SIRT3: variants seen among roughly 807,000 people sequenced by gnomAD.
The protein encoded by SIRT3 is sirtuin 3.
A neutral mutation model predicts 33.5 loss-of-function variants in SIRT3; 26 were observed. The ratio of observed to expected loss-of-function variants is 0.78; its 90% confidence interval spans 0.57 to 1.08. SIRT3 has a LOEUF of 1.08. SIRT3 is among the 50% of genes least tolerant of loss of function. SIRT3 has a pLI of 0.00. For synonymous variants in SIRT3, 237 were observed against 222.1 expected, an observed-to-expected ratio of 1.07 and a Z score of -0.60; for missense variants, 585 against 530.1, an observed-to-expected ratio of 1.10 and a Z score of -1.02.
Position 233,215 on chromosome 11 carries a change from T to C in SIRT3, c.474A>G (p.Arg158=), listed in dbSNP as rs1359419115. The part of the protein sequence containing the change: ...ISTPSGIPDF[R]SPGSGLYSNL... ...TGCTGTACAGGCCACTCCCCGGCGATCTGCAGGGAGAGAAGAAAGGCTCTG... is the reference window on the plus strand; with the variant it reads ...TGCTGTACAGGCCACTCCCCGGCGACCTGCAGGGAGAGAAGAAAGGCTCTG... The change falls in exon 3 of 7, where the codon AGA becomes AGG. Residue 158 remains arginine (R), a splice_region_variant and synonymous_variant. Coordinates refer to ENST00000382743, the MANE Select transcript of SIRT3 (RefSeq NM_012239.6). The C allele has an allele frequency of 3.7e-6, 6 of 1,612,462 alleles. No individual in the cohort carries two copies. The highest frequency in any genetic ancestry group is 1.7e-4 in the Middle Eastern group (1 of 6,056).
At chr11:228,075 T>C (rs1465591354) in intron 4 of SIRT3, among the ~76,000 whole-genome samples, 1 of 152,206 alleles carries the variant, frequency 6.6e-6, no homozygotes, top group African/African-American at 2.4e-5. Flanking sequence ...AACAGACTCT[T>C]ACATCCAGAC....
upstream of SIRT3, chr11:236,395 T>TCCCACCCCCGCCC: frequency 6.2e-6 from 1 of 162,106 alleles, no homozygotes. Context: ...CGCCTCCGCC[T>TCCCACCCCCGCCC]CCCACCCCCG....
In SIRT3 at chr11:216,360, G is replaced by A. The variant is rs200122315; in HGVS notation, c.*338C>T. 8 of 272,870 alleles carry A rather than the reference G, an allele frequency of 2.9e-5. No individual in the cohort carries two copies. In the East Asian group the frequency reaches 5.2e-4, roughly 18 times the overall value. The allele number at this position is 272,870 out of a possible 1,614,324, so 16.9% of individuals were successfully genotyped here. On this transcript the variant is annotated 3_prime_UTR_variant, in exon 7 of 7. Coordinates refer to ENST00000382743, the MANE Select transcript of SIRT3 (RefSeq NM_012239.6). ...TCAACTAGGCACAGAAAGCAGACTCGGTCTGGGATTCCAGTTGGTCTGATT... is the reference window on the plus strand; with the variant it reads ...TCAACTAGGCACAGAAAGCAGACTCAGTCTGGGATTCCAGTTGGTCTGATT...
At chr11:236,431 G>C, upstream of SIRT3, 1 of 702,262 alleles carries the variant, frequency 1.4e-6, no homozygotes, top group Non-Finnish European at 1.7e-6. Context: ...CCCCGCCTCC[G>C]CCTACCGCCC....
chr11:232,646 T>C (rs1858227672), intron 3 of SIRT3, among the ~76,000 whole-genome samples: 1 of 151,996 alleles, frequency 6.6e-6, no homozygotes, highest in South Asian at 2.1e-4. Context: ...AATTCCATAA[T>C]ACACTTCTTA....
chr11:233,949 A>G lies in SIRT3; in HGVS notation c.282-415T>C, dbSNP rs141611368. The G allele has an allele frequency of 3.7e-3, 620 of 168,002 alleles. 1 individual carries two copies. Among genetic ancestry groups the G allele is most frequent in the Admixed American group, 6.1e-3 (103 of 16,758 alleles). 10.4% of individuals were successfully genotyped at this position (168,002 alleles called of 1,614,324 possible). A position where few individuals can be genotyped will look rare whatever the true frequency, so the allele number is the denominator to read the frequency against. Reference sequence around the variant, plus strand: ...CCCCACTTCACACAGCATTTCAGACATCTATTCACTTAAGGTCGTTCCCCA... The same window carrying G: ...CCCCACTTCACACAGCATTTCAGACGTCTATTCACTTAAGGTCGTTCCCCA... On this transcript the variant is annotated intron_variant, in intron 1 of 6. Transcript: ENST00000382743.
At chr11:235,827 C>G (rs1003107445) in intron 1 of SIRT3, among the ~76,000 whole-genome samples, 7 of 152,142 alleles carry the variant, frequency 4.6e-5, no homozygotes, top group African/African-American at 9.7e-5. Context: ...GCATGATGCA[C>G]AATAACTAAA....
At chr11:229,587 C>T (rs889990217) in intron 4 of SIRT3, among the ~76,000 whole-genome samples, 1 of 152,054 alleles carries the variant, frequency 6.6e-6, no homozygotes, top group African/African-American at 2.4e-5. Context: ...GAAACCCCAT[C>T]TCTACTAGAA....
intron 4 of SIRT3, among the ~76,000 whole-genome samples, chr11:228,824 CA>C (rs1442316562): frequency 1.3e-5 from 2 of 152,130 alleles, no homozygotes; most frequent in African/African-American, 4.8e-5. Context: ...AAAATATTTG[CA>C]AATCATGTCT....
In SIRT3 at chr11:224,378, G is replaced by A. The variant is rs1001786346; in HGVS notation, c.808-139C>T. On this transcript the variant is annotated intron_variant, in intron 4 of 6. Coordinates refer to ENST00000382743, the MANE Select transcript of SIRT3 (RefSeq NM_012239.6). ...GGGATCATGAACCCCCATGTACCCA[G>A]CTTCAGGAATTACCAGTTTTCATAG... The A allele has an allele frequency of 5.6e-6, 5 of 892,744 alleles. No individual in the cohort carries two copies. In the African/African-American group the frequency reaches 8.5e-5, roughly 15 times the overall value. 55.3% of individuals were successfully genotyped at this position (892,744 alleles called of 1,614,324 possible).
upstream of SIRT3, chr11:236,916 G>GC: frequency 2.7e-6 from 2 of 737,374 alleles, no homozygotes; most frequent in Non-Finnish European, 4.7e-6. Flanking sequence ...AGCGGGGCCC[G>GC]CCCCCGGCCT....
intron 2 of SIRT3, 40 bp downstream of exon 2, chr11:233,303 G>T (rs1734493): frequency 6.2e-7 from 1 of 1,603,728 alleles, no homozygotes; most frequent in East Asian, 2.2e-5. Flanking sequence ...AGGAGTCAGG[G>T]GAGGGGAGCG....
chr11:228,044 C>T (rs1179013321), intron 4 of SIRT3, among the ~76,000 whole-genome samples: 2 of 152,208 alleles, frequency 1.3e-5, no homozygotes, highest in African/African-American at 4.8e-5. Flanking sequence ...GCCTCCCACA[C>T]TCCAGGTCTC....
chr11:216,795 C>G, intron 6 of SIRT3, 77 bp from the exon 7 acceptor site: 1 of 1,477,146 alleles, frequency 6.8e-7, no homozygotes, highest in Non-Finnish European at 9.5e-7. Flanking sequence ...GTTCAAACAG[C>G]TCTAGCTGCA....
Position 224,088 on chromosome 11 carries a change from G to A in SIRT3, c.959C>T (p.Thr320Ile), listed in dbSNP as rs551570. ...PMADLLLILGTSLEVEPFASL... is the reference protein window; with the variant it reads ...PMADLLLILGISLEVEPFASL... ...GGCCTGCTGACAAACCTCCAGGGAGGTCCCAAGGATGAGCAGCAGATCTGC... is the reference window on the plus strand; with the variant it reads ...GGCCTGCTGACAAACCTCCAGGGAGATCCCAAGGATGAGCAGCAGATCTGC... The change falls in exon 5 of 7, where the codon ACC (threonine) becomes ATC (isoleucine). Residue 320 changes from threonine to isoleucine, a missense_variant. Thr to Ile is a moderately conservative substitution (Grantham distance 89). Transcript: ENST00000382743. 6.2e-7 allele frequency: 1 copy of A among 1,614,156 alleles called. No homozygotes were observed. Among genetic ancestry groups the A allele is most frequent in the Admixed American group, 1.7e-5 (1 of 60,022 alleles).
Position 218,432 on chromosome 11 carries a change from G to A in SIRT3, c.1179+400C>T, listed in dbSNP as rs370725338. Reference sequence around the variant, plus strand: ...ATTACTTCCGAAAAGCATCACTCATGTAGCCTTCATCCCACATAGATGCAG... The same window carrying A: ...ATTACTTCCGAAAAGCATCACTCATATAGCCTTCATCCCACATAGATGCAG... On this transcript the variant is annotated intron_variant, in intron 6 of 6. Coordinates refer to ENST00000382743, the MANE Select transcript of SIRT3 (RefSeq NM_012239.6). Among the ~76,000 whole-genome samples, 12 of 152,322 alleles carry A rather than the reference G, an allele frequency of 7.9e-5. No individual in the cohort carries two copies. In the East Asian group the frequency reaches 2.3e-3, roughly 29 times the overall value.
At chr11:227,933 C>G (rs372089726) in intron 4 of SIRT3, among the ~76,000 whole-genome samples, 36 of 152,276 alleles carry the variant, frequency 2.4e-4, no homozygotes, top group African/African-American at 8.4e-4. Flanking sequence ...CAAATAATCT[C>G]TTTTAAATGC....
At chr11:225,238 C>T (rs930917526) in intron 4 of SIRT3, among the ~76,000 whole-genome samples, 2 of 152,164 alleles carry the variant, frequency 1.3e-5, no homozygotes, top group Middle Eastern at 3.4e-3. Context: ...ATGGTGAAAC[C>T]CTGTCTCTAC....
intron 4 of SIRT3, among the ~76,000 whole-genome samples, chr11:226,699 C>T (rs1456703494): frequency 2.0e-5 from 3 of 150,536 alleles, no homozygotes; most frequent in African/African-American, 4.9e-5. Flanking sequence ...GGAGCCACCG[C>T]GCCCAGCCTA....
Sources: gnomAD v4.1 joint callset for allele counts (sites outside exome capture counted in the v4.1 genomes callset) on GRCh38, gnomAD v4.1.1 for gene constraint, MANE v1.5 for transcripts, NCBI Gene and HGNC (gene_info 2026-07-23, HGNC 2026-07-21) for gene names.